Variants in RNF152 observed in about 807,000 individuals in gnomAD.
The protein encoded by RNF152 is ring finger protein 152.
RNF152 carries 11 observed loss-of-function variants against 12.7 expected under a neutral mutation model. The observed-to-expected ratio is 0.86, with a 90% CI of 0.54 to 1.43. The LOEUF is 1.43. Ranked by LOEUF, RNF152 falls within the 40% of genes most tolerant of loss-of-function variation. The probability of loss-of-function intolerance (pLI) is 0.00; values close to 1 mark genes in which losing one functional copy is unlikely to be tolerated. For synonymous variants in RNF152, 113 were observed against 120.3 expected, an observed-to-expected ratio of 0.94 and a Z score of 0.40; for missense variants, 255 against 274.8, an observed-to-expected ratio of 0.93 and a Z score of 0.51.
chr18:61,826,436 T>C (rs1292989748), intron 1 of RNF152, among the ~76,000 whole-genome samples: 1 of 152,134 alleles, frequency 6.6e-6, no homozygotes, highest in African/African-American at 2.4e-5. Context: ...AAAAACCCAT[T>C]TGTCTTTCCT....
chr18:61,870,564 T>C (rs571852007), intron 1 of RNF152, among the ~76,000 whole-genome samples: 1 of 152,178 alleles, frequency 6.6e-6, no homozygotes, highest in African/African-American at 2.4e-5. Flanking sequence ...TGGCCAAGCA[T>C]GAACTCTGAA....
chr18:61,836,593 C>T (rs1462924087), intron 1 of RNF152, among the ~76,000 whole-genome samples: 1 of 152,158 alleles, frequency 6.6e-6, no homozygotes, highest in Non-Finnish European at 1.5e-5. Context: ...ATGTTCAGCA[C>T]CTTGATCTTA....
rs144481859 is a variant in RNF152 at position 61,810,582 on chromosome 18, A to C, written c.*5270T>G. On this transcript the variant is annotated 3_prime_UTR_variant, in exon 2 of 2. Transcript: ENST00000312828. ...AGAATAGCTTGAACCTGGGAGGCGGAGGTTGCAGTGAGCTGAGATCATGCC... is the reference window on the plus strand; with the variant it reads ...AGAATAGCTTGAACCTGGGAGGCGGCGGTTGCAGTGAGCTGAGATCATGCC... 4,764 of 152,442 alleles carry C rather than the reference A, an allele frequency of 0.031. 89 individuals are homozygous for C. The highest frequency in any genetic ancestry group is 0.044 in the Non-Finnish European group (3,003 of 68,132). 9.4% of individuals were successfully genotyped at this position (152,442 alleles called of 1,614,324 possible).
chr18:61,833,501 G>A (rs567905631), intron 1 of RNF152, among the ~76,000 whole-genome samples: 8 of 152,128 alleles, frequency 5.3e-5, no homozygotes, highest in East Asian at 1.9e-4. Context: ...TTTAATTGTC[G>A]AAACTCCTCT....
intron 1 of RNF152, among the ~76,000 whole-genome samples, chr18:61,874,310 A>T (rs1315651772): frequency 6.6e-6 from 1 of 152,208 alleles, no homozygotes; most frequent in East Asian, 1.9e-4. Context: ...ACAAATATAA[A>T]CCAAGTCATT....
chr18:61,854,591 A>G (rs1308250847), intron 1 of RNF152, among the ~76,000 whole-genome samples: 1 of 152,146 alleles, frequency 6.6e-6, no homozygotes, highest in Non-Finnish European at 1.5e-5. Context: ...TGGAGCCTCA[A>G]TTAGTCATCT....
chr18:61,826,743 T>G lies in RNF152; in HGVS notation c.-135-10145A>C, dbSNP rs140487902. ...TAGCCCTTCCCTGATTCTCTTAAATTTAGTATATTACTCTGGAGACACCTA... is the reference window on the plus strand; with the variant it reads ...TAGCCCTTCCCTGATTCTCTTAAATGTAGTATATTACTCTGGAGACACCTA... On this transcript the variant is annotated intron_variant, in intron 1 of 1. Coordinates refer to ENST00000312828, the MANE Select transcript of RNF152 (RefSeq NM_173557.3). Among the ~76,000 whole-genome samples, 1,023 of 152,318 alleles carry G rather than the reference T, an allele frequency of 6.7e-3. 7 individuals carry two copies. The highest frequency in any genetic ancestry group is 0.017 in the South Asian group (84 of 4,830).
chr18:61,857,333 A>G (rs1407277090), intron 1 of RNF152, among the ~76,000 whole-genome samples: 1 of 152,164 alleles, frequency 6.6e-6, no homozygotes, highest in Non-Finnish European at 1.5e-5. Flanking sequence ...GAAACCACAC[A>G]CTATGTCCAC....
chr18:61,833,851 G>C (rs1009613348), intron 1 of RNF152, among the ~76,000 whole-genome samples: 6 of 151,772 alleles, frequency 4.0e-5, no homozygotes, highest in African/African-American at 1.5e-4. Flanking sequence ...CTCAATTATA[G>C]CTACTTTCAT....
intron 1 of RNF152, among the ~76,000 whole-genome samples, chr18:61,891,113 G>A (rs1912939002): frequency 6.6e-6 from 1 of 152,062 alleles, no homozygotes; most frequent in East Asian, 1.9e-4. Flanking sequence ...TTATCTATCA[G>A]GTGCCAATAA....
chr18:61,867,713 C>A (rs1405454827), intron 1 of RNF152, among the ~76,000 whole-genome samples: 1 of 152,058 alleles, frequency 6.6e-6, no homozygotes, highest in Non-Finnish European at 1.5e-5. Context: ...ACAATTCTGA[C>A]TATAAACTCA....
intron 1 of RNF152, chr18:61,890,278 C>T (rs1912896175): frequency 6.6e-6 from 1 of 152,192 alleles, no homozygotes; most frequent in Non-Finnish European, 1.5e-5. Context: ...CACCCATATC[C>T]ACTTCTCCCT....
chr18:61,820,511 ACT>A (rs1909350538), intron 1 of RNF152, among the ~76,000 whole-genome samples: 1 of 151,890 alleles, frequency 6.6e-6, no homozygotes, highest in Non-Finnish European at 1.5e-5. Context: ...ACTATGATTG[ACT>A]CTACTGAGAT....
At chr18:61,848,735 C>G (rs921613670) in intron 1 of RNF152, among the ~76,000 whole-genome samples, 3 of 152,188 alleles carry the variant, frequency 2.0e-5, no homozygotes, top group African/African-American at 7.2e-5. Flanking sequence ...TTTGGAGCCA[C>G]GGAAGAGGCC....
chr18:61,889,798 C>T (rs1429827338), intron 1 of RNF152, among the ~76,000 whole-genome samples: 2 of 152,156 alleles, frequency 1.3e-5, no homozygotes, highest in East Asian at 1.9e-4. Context: ...AGGCCCATTG[C>T]CACTCTTTTT....
intron 1 of RNF152, among the ~76,000 whole-genome samples, chr18:61,836,917 A>G (rs1910215045): frequency 6.6e-6 from 1 of 152,254 alleles, no homozygotes; most frequent in South Asian, 2.1e-4. Flanking sequence ...TCATTGGATT[A>G]CAGGCTTTGA....
At position 61,815,684 on chromosome 18, in the gene RNF152, C is replaced by A. The variant is rs138225766; in HGVS notation, c.*168G>T. The A allele has an allele frequency of 2.1e-5, 14 of 663,016 alleles. No homozygotes were observed. Among genetic ancestry groups the A allele is most frequent in the Non-Finnish European group, 3.3e-5 (13 of 389,498 alleles). The allele number at this position is 663,016 out of a possible 1,614,324, so 41.1% of individuals were successfully genotyped here. On this transcript the variant is annotated 3_prime_UTR_variant, in exon 2 of 2. Coordinates refer to ENST00000312828, the MANE Select transcript of RNF152 (RefSeq NM_173557.3). ...AATTCACCTGGTATCTTGTTGAGAC[C>A]GCACCTTCTGCCCTTTGTGTCTGTC...
intron 1 of RNF152, among the ~76,000 whole-genome samples, chr18:61,877,579 T>C (rs141750707): frequency 1.0e-3 from 153 of 152,346 alleles, no homozygotes; most frequent in African/African-American, 3.2e-3. Context: ...TGAGGTTTTA[T>C]TACTTTCTAC....
rs573617432 is a variant in RNF152, at chr18:61,811,960, A to C, written c.*3892T>G. 12 of 152,226 alleles carry C rather than the reference A, an allele frequency of 7.9e-5. No individual in the cohort carries two copies. The highest frequency in any genetic ancestry group is 1.3e-4 in the Non-Finnish European group (9 of 68,042). The allele number at this position is 152,226 out of a possible 1,614,324, so 9.4% of individuals were successfully genotyped here. ...CCTTGGCCTAAAATCTATAAGCAAC[A>C]GTTCCAAAGGGCAACAATGAATTTT... On this transcript the variant is annotated 3_prime_UTR_variant, in exon 2 of 2. Coordinates refer to ENST00000312828, the MANE Select transcript of RNF152 (RefSeq NM_173557.3).
Sources: allele counts gnomAD v4.1 joint callset (sites outside exome capture counted in the v4.1 genomes callset), GRCh38; gene constraint gnomAD v4.1.1; transcripts MANE v1.5; gene names NCBI Gene and HGNC (gene_info 2026-07-23, HGNC 2026-07-21).